The following NETO1 variants were observed in gnomAD, a reference collection of about 807,000 sequenced individuals.
The protein encoded by NETO1 is neuropilin and tolloid like 1.
Under a neutral mutation model 61.3 loss-of-function variants are expected in NETO1, and 26 were observed. That is an observed-to-expected ratio of 0.42 (90% confidence interval 0.31 to 0.59). The LOEUF is 0.59. Ranked by LOEUF, NETO1 falls within the 20% of genes least tolerant of loss-of-function variation. NETO1 has a pLI of 0.12. For synonymous variants in NETO1, 225 were observed against 225.8 expected, an observed-to-expected ratio of 1.00 and a Z score of 0.03; for missense variants, 531 against 662.8, an observed-to-expected ratio of 0.80 and a Z score of 2.18.
chr18:72,795,220 A>G (rs1367792938), intron 4 of NETO1, among the ~76,000 whole-genome samples: 2 of 152,236 alleles, frequency 1.3e-5, no homozygotes, highest in Admixed American at 1.3e-4. Flanking sequence ...TATGCAGCCA[A>G]TGAAATATAA....
rs1378108975 is a variant in NETO1 at position 72,830,211 on chromosome 18, GCAGCCCTCCCA to G, written c.469+28604_469+28614del. Among the ~76,000 whole-genome samples the G allele has an allele frequency of 1.3e-5, 2 of 152,132 alleles. No individual in the cohort carries two copies. The highest frequency in any genetic ancestry group is 4.8e-5 in the African/African-American group (2 of 41,394). ...AGGAAGCGGCGGCACAGGGAAGGAA[GCAGCCCTCCCA>G]AGAGACGGGAACAGCAGTGCTATCT... On this transcript the variant is annotated intron_variant, in intron 4 of 10. Coordinates refer to ENST00000327305, the MANE Select transcript of NETO1 (RefSeq NM_138966.5). The surrounding 1 kb of genome is among the most constrained non-coding windows in gnomAD (Gnocchi z 4.9).
intron 4 of NETO1, among the ~76,000 whole-genome samples, chr18:72,849,920 G>C (rs1942466): frequency 0.98 from 149,524 of 152,330 alleles, 73,396 homozygotes; most frequent in East Asian, 1. Flanking sequence ...CAGCTGGAGT[G>C]TTTCTTACAT....
chr18:72,822,509 A>C (rs2073232521), intron 4 of NETO1, among the ~76,000 whole-genome samples: 1 of 152,198 alleles, frequency 6.6e-6, no homozygotes. Flanking sequence ...AGTTTCAAAG[A>C]ATCTAACTCA....
At chr18:72,776,119 G>A (rs2071537804) in intron 7 of NETO1, among the ~76,000 whole-genome samples, 1 of 152,200 alleles carries the variant, frequency 6.6e-6, no homozygotes. Context: ...CATGGCCCTG[G>A]CTTTGGGCGA....
intron 7 of NETO1, among the ~76,000 whole-genome samples, chr18:72,779,036 C>T (rs754025998): frequency 8.5e-5 from 13 of 152,104 alleles, no homozygotes; most frequent in Admixed American, 5.9e-4. Context: ...GGCACCAGCG[C>T]GCTCGAAGCA....
intron 4 of NETO1, among the ~76,000 whole-genome samples, chr18:72,840,483 T>C (rs2073895062): frequency 6.6e-6 from 1 of 152,134 alleles, no homozygotes; most frequent in South Asian, 2.1e-4. Flanking sequence ...ATTTCAAGCA[T>C]CATCCTTCCA....
intron 4 of NETO1, among the ~76,000 whole-genome samples, chr18:72,856,042 T>C (rs1228539499): frequency 6.6e-6 from 1 of 152,214 alleles, no homozygotes; most frequent in Non-Finnish European, 1.5e-5. Context: ...TATGTATACA[T>C]ATGTATAAAT....
chr18:72,840,166 C>T (rs1165131628), intron 4 of NETO1, among the ~76,000 whole-genome samples: 4 of 152,198 alleles, frequency 2.6e-5, no homozygotes, highest in African/African-American at 9.6e-5. Flanking sequence ...AATTCCTCAT[C>T]AGTAAGGATT....
intron 4 of NETO1, among the ~76,000 whole-genome samples, chr18:72,848,545 C>G (rs1006783894): frequency 1.3e-5 from 2 of 152,092 alleles, no homozygotes; most frequent in African/African-American, 4.8e-5. Context: ...ATGGATATTC[C>G]TGCTCAAAAT....
chr18:72,838,535 C>A (rs759440108), intron 4 of NETO1, among the ~76,000 whole-genome samples: 2 of 152,192 alleles, frequency 1.3e-5, no homozygotes, highest in Non-Finnish European at 2.9e-5. Context: ...GTGCTTCCTG[C>A]ACACTTCTAC....
intron 3 of NETO1, 90 bp from the exon 4 acceptor site, chr18:72,859,164 T>C: frequency 7.7e-7 from 1 of 1,296,280 alleles, no homozygotes; most frequent in African/African-American, 1.5e-5. Context: ...TATTTGTACA[T>C]CTTCTCTCAA....
chr18:72,749,036 T>C lies in NETO1; in HGVS notation c.1594A>G (p.Arg532Gly), dbSNP rs2070499931. 6.2e-7 allele frequency: 1 copy of C among 1,610,362 alleles called. No homozygotes were observed. The part of the protein sequence containing the change: ...SKHESEYNTT[R>G]V Reference sequence around the variant, plus strand: ...TACCTTGAATTTTCTTTCTAGACCCTAGTTGTGTTGTATTCAGATTCATGT... The same window carrying C: ...TACCTTGAATTTTCTTTCTAGACCCCAGTTGTGTTGTATTCAGATTCATGT... Residue 532 changes from arginine (R) to glycine (G), a missense_variant, in exon 10 of 11, where the codon AGG becomes GGG. Coordinates refer to ENST00000327305, the MANE Select transcript of NETO1 (RefSeq NM_138966.5).
At chr18:72,846,531 A>AAAAAAAAAAAAAAAAAAAAT in intron 4 of NETO1, among the ~76,000 whole-genome samples, 1 of 149,552 alleles carries the variant, frequency 6.7e-6, no homozygotes, top group African/African-American at 2.4e-5. Context: ...AAAAAAAAAA[A>AAAAAAAAAAAAAAAAAAAAT]AAAGAAGATG....
Position 72,867,666 on chromosome 18 carries a change from G to T in NETO1, c.-375C>A, listed in dbSNP as rs955071549. 5.2e-5 allele frequency: 8 copies of T among 153,192 alleles called. No individual in the cohort carries two copies. Among genetic ancestry groups the T allele is most frequent in the Non-Finnish European group, 1.2e-4 (8 of 68,996 alleles). 9.5% of individuals were successfully genotyped at this position (153,192 alleles called of 1,614,324 possible). A position where few individuals can be genotyped will look rare whatever the true frequency, so the allele number is the denominator to read the frequency against. ...GCGGGGTCGGGAGGACGCGGCGCGCGGGAGGCGGCGGTCGCAGGGCGAGCC... is the reference window on the plus strand; with the variant it reads ...GCGGGGTCGGGAGGACGCGGCGCGCTGGAGGCGGCGGTCGCAGGGCGAGCC... On this transcript the variant is annotated 5_prime_UTR_variant, in exon 1 of 11. Transcript: ENST00000327305.
intron 4 of NETO1, among the ~76,000 whole-genome samples, chr18:72,821,353 A>C (rs1034399941): frequency 6.6e-6 from 1 of 150,902 alleles, no homozygotes; most frequent in East Asian, 1.9e-4. Flanking sequence ...GACCAGCCTG[A>C]CCAACACGGA....
chr18:72,796,161 A>T (rs1012319044), intron 4 of NETO1, among the ~76,000 whole-genome samples: 1 of 152,218 alleles, frequency 6.6e-6, no homozygotes, highest in African/African-American at 2.4e-5. Flanking sequence ...TTAGGATATT[A>T]AGACTACGTG....
intron 4 of NETO1, among the ~76,000 whole-genome samples, chr18:72,815,320 T>A (rs1001953573): frequency 1.2e-4 from 18 of 152,096 alleles, no homozygotes; most frequent in African/African-American, 4.3e-4. Flanking sequence ...CAAATTAAAA[T>A]TAGGAATTTT....
At chr18:72,783,083 A>G (rs1163054019) in intron 7 of NETO1, among the ~76,000 whole-genome samples, 2 of 152,184 alleles carry the variant, frequency 1.3e-5, no homozygotes, top group Non-Finnish European at 2.9e-5. Context: ...GAATATATCT[A>G]TTGGTATGAA....
intron 4 of NETO1, among the ~76,000 whole-genome samples, chr18:72,805,894 TA>T (rs2072660268): frequency 6.6e-6 from 1 of 152,174 alleles, no homozygotes; most frequent in African/African-American, 2.4e-5. Context: ...GAGCTATGGT[TA>T]AAAACACAAA....
Sources: gnomAD v4.1 joint callset for allele counts (sites outside exome capture counted in the v4.1 genomes callset) on GRCh38, gnomAD v4.1.1 for gene constraint, Gnocchi (gnomAD v3.1) non-coding constraint, MANE v1.5 for transcripts, NCBI Gene and HGNC (gene_info 2026-07-23, HGNC 2026-07-21) for gene names.